Variants in CCNY observed in about 807,000 individuals in gnomAD.
CCNY encodes cyclin Y, also known as cyclin-Y.
Under a neutral mutation model 42.8 loss-of-function variants are expected in CCNY, and 19 were observed. The observed-to-expected ratio is 0.44, with a 90% CI of 0.31 to 0.65. The LOEUF (loss-of-function observed/expected upper bound fraction) is 0.65, where lower values mean the gene tolerates loss of function less well. CCNY is among the 30% of genes least tolerant of loss of function. The pLI, the probability that CCNY is intolerant of heterozygous loss-of-function variation, is 0.07. For synonymous variants in CCNY, 165 were observed against 162.7 expected, an observed-to-expected ratio of 1.01 and a Z score of -0.11; for missense variants, 370 against 437.3, an observed-to-expected ratio of 0.85 and a Z score of 1.37.
intron 1 of CCNY, among the ~76,000 whole-genome samples, chr10:35,477,958 A>G (rs1434681831): frequency 5.5e-5 from 8 of 144,802 alleles, no homozygotes; most frequent in Non-Finnish European, 1.1e-4. Flanking sequence ...TACAAAATCA[A>G]TGTGCAAAAA....
intron 1 of CCNY, among the ~76,000 whole-genome samples, chr10:35,343,959 A>G (rs940370182): frequency 6.6e-6 from 1 of 152,236 alleles, no homozygotes; most frequent in African/African-American, 2.4e-5. Context: ...TCATGATTCA[A>G]CATTGGGCTG....
At chr10:35,326,533 G>A (rs934409244) in intron 3 of CCNY, among the ~76,000 whole-genome samples, 4 of 152,210 alleles carry the variant, frequency 2.6e-5, no homozygotes, top group African/African-American at 9.6e-5. Context: ...ACCAGTTGAT[G>A]CCTTTTAGTC....
intron 1 of CCNY, among the ~76,000 whole-genome samples, chr10:35,347,016 A>G (rs959347137): frequency 4.6e-5 from 7 of 152,254 alleles, no homozygotes; most frequent in African/African-American, 1.2e-4. Flanking sequence ...AGGCAGTTTC[A>G]TAAAAGAAAT....
rs1011370882 is a variant in CCNY at position 35,572,653 on chromosome 10, T to C, written c.*3483T>C. The C allele has an allele frequency of 6.6e-6, 1 of 152,252 alleles. No homozygotes were observed. The highest frequency in any genetic ancestry group is 2.4e-5 in the African/African-American group (1 of 41,464). 9.4% of individuals were successfully genotyped at this position (152,252 alleles called of 1,614,324 possible). A position where few individuals can be genotyped will look rare whatever the true frequency, so the allele number is the denominator to read the frequency against. On this transcript the variant is annotated 3_prime_UTR_variant, in exon 10 of 10. Transcript: ENST00000374704. ...GTATTTAATAAATGTTAAATAAATA[T>C]ATACATAGAACAAAGTAGTGCCTGC...
chr10:35,353,327 T>G (rs1289927832), intron 1 of CCNY, among the ~76,000 whole-genome samples: 1 of 152,236 alleles, frequency 6.6e-6, no homozygotes, highest in Non-Finnish European at 1.5e-5. Flanking sequence ...AGGACGTTTG[T>G]TGGAAAAGAG....
At chr10:35,337,878 C>A (rs762312035) in intron 1 of CCNY, among the ~76,000 whole-genome samples, 26 of 151,938 alleles carry the variant, frequency 1.7e-4, no homozygotes, top group Non-Finnish European at 4.4e-5. Flanking sequence ...CTATGAATTT[C>A]TGATTTATTC....
intron 1 of CCNY, among the ~76,000 whole-genome samples, chr10:35,411,773 CAT>C (rs1491366369): frequency 6.6e-6 from 1 of 152,110 alleles, no homozygotes; most frequent in Admixed American, 6.5e-5. Context: ...ATGGTCAGGC[CAT>C]ATCTATTGTA....
intron 3 of CCNY, 88 bp from the exon 4 acceptor site, chr10:35,516,435 C>A: frequency 1.2e-6 from 1 of 850,964 alleles, no homozygotes; most frequent in South Asian, 1.4e-5. Context: ...CCTCTGTGGT[C>A]TTATCTCAAG....
chr10:35,296,350 CA>C (rs2135068464), intron 3 of CCNY, among the ~76,000 whole-genome samples: 1 of 152,270 alleles, frequency 6.6e-6, no homozygotes, highest in South Asian at 2.1e-4. Context: ...GAGGCCGAGG[CA>C]GGTGGATCAC....
chr10:35,266,889 G>A (rs2095726124), intron 3 of CCNY, among the ~76,000 whole-genome samples: 1 of 151,912 alleles, frequency 6.6e-6, no homozygotes, highest in Admixed American at 6.6e-5. Context: ...TTCGAGACCA[G>A]CCTGGCCAAC....
intron 3 of CCNY, among the ~76,000 whole-genome samples, chr10:35,290,596 T>C (rs1189618361): frequency 6.6e-6 from 1 of 152,228 alleles, no homozygotes; most frequent in Non-Finnish European, 1.5e-5. Flanking sequence ...ATTCACTCAT[T>C]TGAAGTATAC....
chr10:35,372,981 AG>A (rs1205639008), intron 1 of CCNY, among the ~76,000 whole-genome samples: 1 of 152,246 alleles, frequency 6.6e-6, no homozygotes, highest in Admixed American at 6.5e-5. Context: ...TATAGGCATG[AG>A]GCACCATGCC....
rs1162383131 is a variant in CCNY at position 35,315,764 on chromosome 10, TTTTTGACTTTTTAGTAATAGCCA to T, written c.-9+65147_-9+65169del. On this transcript the variant is annotated intron_variant, in intron 3 of 11. Transcript: ENST00000374706. Reference sequence around the variant, plus strand: ...TACAAGCTCCCCAGCATCTGTTATTTTTTTGACTTTTTAGTAATAGCCATTTTGACTGGTGTGAGATGGTATCT... The same window carrying T: ...TACAAGCTCCCCAGCATCTGTTATTTTTTTGACTGGTGTGAGATGGTATCT... Among the ~76,000 whole-genome samples the T allele has an allele frequency of 2.0e-5, 3 of 152,304 alleles. No homozygotes were observed. The East Asian group carries it at 5.8e-4, about 29-fold the overall frequency.
chr10:35,568,956 T>C, intron 9 of CCNY, 98 bp from the exon 10 acceptor site: 2 of 770,936 alleles, frequency 2.6e-6, no homozygotes, highest in Non-Finnish European at 4.5e-6. Flanking sequence ...GCAGGGGCTC[T>C]GCCTGTCCCT....
chr10:35,392,823 C>T (rs1837442444), intron 1 of CCNY, among the ~76,000 whole-genome samples: 1 of 152,148 alleles, frequency 6.6e-6, no homozygotes, highest in Admixed American at 6.5e-5. Flanking sequence ...CATTACAGAG[C>T]CTAGCCCAGA....
At position 35,531,303 on chromosome 10, in the gene CCNY, C is replaced by T. The variant is rs567816886; in HGVS notation, c.579+1060C>T. On this transcript the variant is annotated intron_variant, in intron 7 of 9. Coordinates refer to ENST00000374704, the MANE Select transcript of CCNY (RefSeq NM_145012.6). ...GTCTAGTAGAAGCTTTACAGGCGAC[C>T]GAAGGACTCTTTGTGTCTCCGCCAC... 5.9e-5 allele frequency among the ~76,000 whole-genome samples: 9 copies of T among 152,302 alleles called. No individual in the cohort carries two copies. In the South Asian group the frequency reaches 1.4e-3, roughly 25 times the overall value.
At chr10:35,255,390 G>C (rs35969476) in intron 3 of CCNY, among the ~76,000 whole-genome samples, 2 of 149,992 alleles carry the variant, frequency 1.3e-5, no homozygotes, top group South Asian at 2.1e-4. Context: ...GCACGATCTC[G>C]GCTCATTTCA....
chr10:35,399,081 A>C (rs572664972), intron 1 of CCNY, among the ~76,000 whole-genome samples: 1 of 152,236 alleles, frequency 6.6e-6, no homozygotes, highest in Admixed American at 6.5e-5. Context: ...GAACTTTGAG[A>C]ACCCAACTGA....
chr10:35,472,894 T>A (rs751881334), intron 1 of CCNY, among the ~76,000 whole-genome samples: 1 of 152,144 alleles, frequency 6.6e-6, no homozygotes, highest in African/African-American at 2.4e-5. Context: ...TACCCCAAAG[T>A]AGTATTTCGA....
Sources: allele counts gnomAD v4.1 joint callset (sites outside exome capture counted in the v4.1 genomes callset), GRCh38; gene constraint gnomAD v4.1.1; transcripts MANE v1.5; gene names NCBI Gene and HGNC (gene_info 2026-07-23, HGNC 2026-07-21).